Variants in PRKCH observed in about 807,000 individuals in gnomAD.
The protein encoded by PRKCH is protein kinase C eta.
A neutral mutation model predicts 82.5 loss-of-function variants in PRKCH; 28 were observed. The ratio of observed to expected loss-of-function variants is 0.34; its 90% CI spans 0.25 to 0.47. The LOEUF (loss-of-function observed/expected upper bound fraction) is 0.47, where lower values mean the gene tolerates loss of function less well. Ranked by LOEUF, PRKCH falls within the 20% of genes least tolerant of loss-of-function variation. PRKCH has a pLI of 1.00. For missense variants in PRKCH, 705 were observed against 881.8 expected (o/e 0.80, Z 2.54); for synonymous variants, 322 against 327.4 (o/e 0.98, Z 0.18).
intron 1 of PRKCH, among the ~76,000 whole-genome samples, chr14:61,284,006 AAAGAT>A (rs1373491378): frequency 6.6e-6 from 1 of 152,212 alleles, no homozygotes; most frequent in Admixed American, 6.5e-5. Flanking sequence ...CCTGAGGGAA[AAAGAT>A]AATAGTGCAG....
intron 1 of PRKCH, among the ~76,000 whole-genome samples, chr14:61,348,300 G>T (rs188182076): frequency 6.6e-6 from 1 of 152,116 alleles, no homozygotes; most frequent in Non-Finnish European, 1.5e-5. Flanking sequence ...ATGCTCTGGG[G>T]GTGTGTGGCC....
At chr14:61,265,315 T>C (rs1311909464) in intron 1 of PRKCH, among the ~76,000 whole-genome samples, 3 of 152,038 alleles carry the variant, frequency 2.0e-5, no homozygotes, top group Non-Finnish European at 4.4e-5. Context: ...ACCCTGTCTC[T>C]ACAAAAAATA....
intron 2 of PRKCH, among the ~76,000 whole-genome samples, chr14:61,407,180 T>A (rs776420689): frequency 2.0e-5 from 3 of 152,242 alleles, no homozygotes; most frequent in Non-Finnish European, 4.4e-5. Context: ...ACTATTCTCA[T>A]GCTCTGACCA....
At chr14:61,403,070 T>A (rs1881735284) in intron 2 of PRKCH, among the ~76,000 whole-genome samples, 2 of 152,208 alleles carry the variant, frequency 1.3e-5, no homozygotes, top group Admixed American at 1.3e-4. Flanking sequence ...TTAAAGAGAT[T>A]TGCAAATTGT....
In PRKCH at chr14:61,550,929, A is replaced by G. The variant is rs1217467201; in HGVS notation, c.*1098A>G. 2 of 152,262 alleles carry G rather than the reference A, an allele frequency of 1.3e-5. No individual in the cohort carries two copies. Among genetic ancestry groups the G allele is most frequent in the Non-Finnish European group, 2.9e-5 (2 of 68,046 alleles). 9.4% of individuals were successfully genotyped at this position (152,262 alleles called of 1,614,324 possible). A position where few individuals can be genotyped will look rare whatever the true frequency, so the allele number is the denominator to read the frequency against. ...CCTTATAATATGTACCCGAATATAC[A>G]GTTCAAGAATTTTGTCTGACTGGAA... On this transcript the variant is annotated 3_prime_UTR_variant, in exon 14 of 14. Coordinates refer to ENST00000332981, the MANE Select transcript of PRKCH (RefSeq NM_006255.5).
At chr14:61,337,842 A>T (rs2045879143) in intron 1 of PRKCH, among the ~76,000 whole-genome samples, 1 of 152,234 alleles carries the variant, frequency 6.6e-6, no homozygotes. Flanking sequence ...CTGTATATAT[A>T]CAATATTTCA....
chr14:61,199,829 G>T (rs2044466617), intron 1 of PRKCH, among the ~76,000 whole-genome samples: 1 of 152,128 alleles, frequency 6.6e-6, no homozygotes, highest in Non-Finnish European at 1.5e-5. Flanking sequence ...TGCACGCAAA[G>T]AATATTCATT....
At chr14:61,289,276 C>G (rs537989627) in intron 1 of PRKCH, among the ~76,000 whole-genome samples, 84 of 152,332 alleles carry the variant, frequency 5.5e-4, no homozygotes, top group African/African-American at 2.0e-3. Context: ...GTTCAGGGAA[C>G]TAAGCATGTA....
At chr14:61,510,014 A>G (rs1034676847) in intron 10 of PRKCH, among the ~76,000 whole-genome samples, 1 of 152,182 alleles carries the variant, frequency 6.6e-6, no homozygotes, top group African/African-American at 2.4e-5. Flanking sequence ...CAAGTTTTCC[A>G]TTAACAGTGA....
At chr14:61,197,641 T>C (rs1464721939) in intron 1 of PRKCH, among the ~76,000 whole-genome samples, 1 of 152,176 alleles carries the variant, frequency 6.6e-6, no homozygotes, top group African/African-American at 2.4e-5. Context: ...AATGAATTAA[T>C]CCATTCATGA....
chr14:61,537,743 C>T (rs1408799002), intron 12 of PRKCH: 1 of 152,188 alleles, frequency 6.6e-6, no homozygotes, highest in Non-Finnish European at 1.5e-5. Flanking sequence ...TCCTGAGTCA[C>T]CTTTGTTGAC....
chr14:61,354,149 AAGATAC>A (rs1423550783), intron 1 of PRKCH, among the ~76,000 whole-genome samples: 1 of 152,220 alleles, frequency 6.6e-6, no homozygotes, highest in Non-Finnish European at 1.5e-5. Flanking sequence ...TTCCAAACAG[AAGATAC>A]TTGGAATTTC....
chr14:61,369,822 CAGAA>C (rs2140171565), intron 1 of PRKCH, among the ~76,000 whole-genome samples: 1 of 152,046 alleles, frequency 6.6e-6, no homozygotes, highest in South Asian at 2.1e-4. Context: ...AAGAAAGTGA[CAGAA>C]AGTTCTTGGT....
At chr14:61,418,384 T>G (rs949897773) in intron 2 of PRKCH, among the ~76,000 whole-genome samples, 2 of 152,192 alleles carry the variant, frequency 1.3e-5, no homozygotes, top group African/African-American at 4.8e-5. Context: ...CAAAATAAAT[T>G]TTAGCACGAT....
intron 1 of PRKCH, chr14:61,278,512 A>G (rs1465243789): frequency 6.6e-6 from 1 of 152,234 alleles, no homozygotes; most frequent in Non-Finnish European, 1.5e-5. Context: ...ATACAATTCA[A>G]TATTACTTAA....
intron 1 of PRKCH, among the ~76,000 whole-genome samples, chr14:61,211,691 G>C (rs946312921): frequency 6.6e-6 from 1 of 152,096 alleles, no homozygotes; most frequent in African/African-American, 2.4e-5. Flanking sequence ...ACTGCAGCCC[G>C]CTCCTCACCC....
chr14:61,291,638 G>T lies in PRKCH; in HGVS notation c.-19+103970G>T, dbSNP rs117797681. On this transcript the variant is annotated intron_variant, in intron 1 of 3. Coordinates refer to the PRKCH transcript ENST00000555185. Reference sequence around the variant, plus strand: ...AGCCACCATGCCCAGCTGCCCTCTGGTTCTTGATAATGAAACCATAGCATT... The same window carrying T: ...AGCCACCATGCCCAGCTGCCCTCTGTTTCTTGATAATGAAACCATAGCATT... Among the ~76,000 whole-genome samples the T allele has an allele frequency of 7.0e-3, 1,060 of 152,196 alleles. 40 individuals are homozygous for T. The East Asian group carries it at 0.095, about 14-fold the overall frequency.
intron 12 of PRKCH, among the ~76,000 whole-genome samples, chr14:61,539,594 C>A (rs940488128): frequency 2.6e-5 from 4 of 152,198 alleles, no homozygotes; most frequent in African/African-American, 4.8e-5. Context: ...GGGAGATCAG[C>A]TTGAGCAAGT....
At chr14:61,250,563 G>T (rs1254999674) in intron 1 of PRKCH, among the ~76,000 whole-genome samples, 1 of 152,152 alleles carries the variant, frequency 6.6e-6, no homozygotes, top group Non-Finnish European at 1.5e-5. Context: ...ACAATAAAAA[G>T]ATCAGTGGTT....
Sources: allele counts gnomAD v4.1 joint callset (sites outside exome capture counted in the v4.1 genomes callset), GRCh38; gene constraint gnomAD v4.1.1; transcripts MANE v1.5; gene names NCBI Gene and HGNC (gene_info 2026-07-23, HGNC 2026-07-21).